The following ZNF724 variants were observed in gnomAD, a reference collection of about 807,000 sequenced individuals.
ZNF724 encodes the protein zinc finger protein 724, also known as zinc finger protein 724 pseudogene.
ZNF724 carries 14 observed loss-of-function variants against 29.3 expected under a neutral mutation model. The ratio of observed to expected loss-of-function variants is 0.48; its 90% CI spans 0.32 to 0.75. The LOEUF (loss-of-function observed/expected upper bound fraction) is 0.75. Among genes scored for constraint, ZNF724 ranks in the 30% least tolerant of loss-of-function variants. The probability of loss-of-function intolerance (pLI) is 0.04; values close to 1 mark genes in which losing one functional copy is unlikely to be tolerated. For synonymous variants in ZNF724, 180 were observed against 193.6 expected (o/e 0.93, Z 0.58); for missense variants, 557 against 571.2 (o/e 0.98, Z 0.25).
At chr19:23,242,354 A>T (rs1258584404) in intron 1 of ZNF724, among the ~76,000 whole-genome samples, 1 of 151,660 alleles carries the variant, frequency 6.6e-6, no homozygotes, top group Non-Finnish European at 1.5e-5. Context: ...TGAGGCAGGC[A>T]GATTGCCTGA....
chr19:23,226,861 CAG>C (rs551668394), intron 3 of ZNF724, among the ~76,000 whole-genome samples: 23 of 152,100 alleles, frequency 1.5e-4, no homozygotes, highest in Admixed American at 3.3e-4. Flanking sequence ...TTAAAGTGTA[CAG>C]AGTTACAAAT....
At chr19:23,236,346 A>C (rs1324797267) in intron 1 of ZNF724, 1 of 152,180 alleles carries the variant, frequency 6.6e-6, no homozygotes, top group Non-Finnish European at 1.5e-5. Context: ...TTGCACCTTC[A>C]CGATAATGGG....
At position 23,223,141 on chromosome 19, in the gene ZNF724, A is replaced by C. The variant is rs1971753286; in HGVS notation, c.1104T>G (p.Cys368Trp). The C allele has an allele frequency of 7.7e-7, 1 of 1,290,882 alleles. No individual in the cohort carries two copies. Among genetic ancestry groups the C allele is most frequent in the East Asian group, 2.3e-5 (1 of 43,386 alleles). 80.0% of individuals were successfully genotyped at this position (1,290,882 alleles called of 1,614,324 possible). A position where few individuals can be genotyped will look rare whatever the true frequency, so the allele number is the denominator to read the frequency against. Residue 368 changes from cysteine to tryptophan, a missense_variant, in exon 4 of 4, where the codon TGT (cysteine) becomes TGG (tryptophan). Cys to Trp is a radical substitution (Grantham distance 215, BLOSUM62 -2). Around this residue, in one of 3 missense-constraint regions of ZNF724, gnomAD observed 362 missense variants for 295.5 expected, o/e 1.22. Coordinates refer to ENST00000418100, the MANE Select transcript of ZNF724 (RefSeq NM_001355404.2). Reference protein sequence around the residue: ...RIHTGEKPYKCEECGKAFNVS... With the variant: ...RIHTGEKPYKWEECGKAFNVS... Reference sequence around the variant, plus strand: ...CGTTAAAGGCTTTGCCACACTCTTCACATTTGTAAGGTTTCTCTCCAGTAT... The same window carrying C: ...CGTTAAAGGCTTTGCCACACTCTTCCCATTTGTAAGGTTTCTCTCCAGTAT...
chr19:23,230,450 G>A (rs1250116104), intron 3 of ZNF724, among the ~76,000 whole-genome samples: 1 of 151,912 alleles, frequency 6.6e-6, no homozygotes, highest in Non-Finnish European at 1.5e-5. Context: ...AACAAAGGAT[G>A]AGGACAACGT....
intron 1 of ZNF724, among the ~76,000 whole-genome samples, chr19:23,237,631 G>A (rs562053751): frequency 1.0e-4 from 15 of 150,046 alleles, no homozygotes; most frequent in African/African-American, 2.4e-4. Flanking sequence ...TAGGTCGGGC[G>A]CAGTGGCTCA....
chr19:23,242,076 C>T (rs903507242), intron 1 of ZNF724, among the ~76,000 whole-genome samples: 4 of 152,244 alleles, frequency 2.6e-5, no homozygotes, highest in East Asian at 1.9e-4. Context: ...CACCTCTATA[C>T]ATCAACATAC....
chr19:23,238,060 T>C (rs1972052037), intron 1 of ZNF724, among the ~76,000 whole-genome samples: 1 of 151,798 alleles, frequency 6.6e-6, no homozygotes, highest in African/African-American at 2.4e-5. Context: ...CAAATCTGTA[T>C]CTACTTTAAG....
rs367727043 is a variant in ZNF724, at chr19:23,223,178, T to C, written c.1067A>G (p.His356Arg). 18 of 1,275,534 alleles carry C rather than the reference T, an allele frequency of 1.4e-5. No homozygotes were observed. The highest frequency in any genetic ancestry group is 6.9e-5 in the East Asian group (3 of 43,292). The allele number at this position is 1,275,534 out of a possible 1,614,324, so 79.0% of individuals were successfully genotyped here. A position where few individuals can be genotyped will look rare whatever the true frequency, so the allele number is the denominator to read the frequency against. The change falls in exon 4 of 4, where the codon CAT becomes CGT. Residue 356 changes from histidine (H) to arginine (R), a missense_variant. Physicochemically the swap from His to Arg is conservative, Grantham distance 29. Coordinates refer to ENST00000418100, the MANE Select transcript of ZNF724 (RefSeq NM_001355404.2). ...TTTCTCTCCAGTATGAATTCTCTTA[T>C]GTTGAGTAAGGGTTGAGGACACATT... Reference protein sequence around the residue: ...AFNVSSTLTQHKRIHTGEKPY... With the variant: ...AFNVSSTLTQRKRIHTGEKPY...
At chr19:23,225,318 A>G (rs1026505288) in intron 3 of ZNF724, among the ~76,000 whole-genome samples, 2 of 152,130 alleles carry the variant, frequency 1.3e-5, no homozygotes, top group African/African-American at 4.8e-5. Flanking sequence ...CCTTAAAAAA[A>G]TCGTGGCCGT....
At chr19:23,228,671 G>A (rs7248002) in intron 3 of ZNF724, among the ~76,000 whole-genome samples, 2,226 of 151,922 alleles carry the variant, frequency 0.015, 55 homozygotes, top group African/African-American at 0.05. Context: ...AGGCTAAGGC[G>A]GGAGGATCAC....
chr19:23,249,335 G>A (rs372248524), intron 1 of ZNF724, among the ~76,000 whole-genome samples: 1 of 149,030 alleles, frequency 6.7e-6, no homozygotes, highest in East Asian at 2.0e-4. Flanking sequence ...CCTCCTCCCA[G>A]GTTCAAGCGA....
intron 1 of ZNF724, chr19:23,236,864 T>C (rs1417864834): frequency 1.3e-5 from 2 of 152,166 alleles, no homozygotes. Flanking sequence ...ATTTTTATTT[T>C]TTTTTTGAGA....
intron 3 of ZNF724, among the ~76,000 whole-genome samples, chr19:23,227,555 C>CA (rs1370441801): frequency 0.26 from 19,801 of 76,040 alleles, 3,133 homozygotes; most frequent in African/African-American, 0.41. Context: ...GGCTCCATCT[C>CA]AAAAAAAAAA....
intron 3 of ZNF724, among the ~76,000 whole-genome samples, chr19:23,224,412 C>CA (rs1258949252): frequency 3.4e-4 from 51 of 152,044 alleles, no homozygotes; most frequent in Middle Eastern, 3.4e-3. Flanking sequence ...GACTTTGACT[C>CA]AAAAAACAAA....
intron 1 of ZNF724, among the ~76,000 whole-genome samples, chr19:23,232,948 T>C (rs781100113): frequency 2.6e-5 from 4 of 152,130 alleles, no homozygotes; most frequent in Non-Finnish European, 5.9e-5. Context: ...ACAAATCAGC[T>C]GCACAAAGAT....
chr19:23,228,529 C>T (rs900106116), intron 3 of ZNF724, among the ~76,000 whole-genome samples: 16 of 148,758 alleles, frequency 1.1e-4, no homozygotes, highest in Non-Finnish European at 2.1e-4. Flanking sequence ...AGGCGGGTGT[C>T]GATCATCTGA....
At position 23,227,555 on chromosome 19, in the gene ZNF724, C is replaced by CAAAAAAA. The variant is rs1370441801; in HGVS notation, c.227-3544_227-3538dup. On this transcript the variant is annotated intron_variant, in intron 3 of 3. Coordinates refer to ENST00000418100, the MANE Select transcript of ZNF724 (RefSeq NM_001355404.2). Reference sequence around the variant, plus strand: ...TGGGCAACAGAGTGAGGCTCCATCTCAAAAAAAAAAAAAAACAAAAAAAAA... The same window carrying CAAAAAAA: ...TGGGCAACAGAGTGAGGCTCCATCTCAAAAAAAAAAAAAAAAAAAAAACAAAAAAAAA... Among the ~76,000 whole-genome samples, 26 of 76,054 alleles carry CAAAAAAA rather than the reference C, an allele frequency of 3.4e-4. 1 individual carries two copies. The highest frequency in any genetic ancestry group is 1.1e-3 in the African/African-American group (25 of 22,180). 49.9% of individuals were successfully genotyped at this position (76,054 alleles called of 152,430 possible). A position where few individuals can be genotyped will look rare whatever the true frequency, so the allele number is the denominator to read the frequency against.
chr19:23,222,692 G>C lies in ZNF724; in HGVS notation c.1553C>G (p.Ser518Cys). ...CKECGKAFNQ[S>C]STLARHKIIH... is the part of the protein sequence containing the mutation. Reference sequence around the variant, plus strand: ...TATCTTATGTCTAGCAAGTGTCGAGGATTGGTTAAAAGCTTTGCCACATTC... The same window carrying C: ...TATCTTATGTCTAGCAAGTGTCGAGCATTGGTTAAAAGCTTTGCCACATTC... The change falls in exon 4 of 4, where the codon TCC (serine) becomes TGC (cysteine). Residue 518 changes from serine (S) to cysteine (C), a missense_variant. Transcript: ENST00000418100. 3 of 1,388,954 alleles carry C rather than the reference G, an allele frequency of 2.2e-6. No individual in the cohort carries two copies. The highest frequency in any genetic ancestry group is 3.1e-6 in the Non-Finnish European group (3 of 979,232). The allele number at this position is 1,388,954 out of a possible 1,614,324, so 86.0% of individuals were successfully genotyped here.
intron 1 of ZNF724, among the ~76,000 whole-genome samples, chr19:23,234,065 C>T (rs928399730): frequency 2.2e-4 from 33 of 152,102 alleles, no homozygotes; most frequent in Admixed American, 2.0e-4. Context: ...ACCAAAGACA[C>T]CAGCAATTTC....
Sources: allele counts gnomAD v4.1 joint callset (sites outside exome capture counted in the v4.1 genomes callset), GRCh38; gene constraint gnomAD v4.1.1; regional missense constraint gnomAD v4.1.1; transcripts MANE v1.5; gene names NCBI Gene and HGNC (gene_info 2026-07-23, HGNC 2026-07-21).